The following FARS2 variants were observed in gnomAD, a reference collection of about 807,000 sequenced individuals.
FARS2 encodes the protein phenylalanine--tRNA ligase, mitochondrial.
In FARS2, 40 loss-of-function variants were observed where a neutral mutation model predicts 46.4. That is an observed-to-expected ratio of 0.86 (90% confidence interval 0.67 to 1.12). The LOEUF (loss-of-function observed/expected upper bound fraction) is 1.12. Among genes scored for constraint, FARS2 ranks in the 50% most tolerant of loss-of-function variants. FARS2 has a pLI of 0.00. For synonymous variants in FARS2, 234 were observed against 214.9 expected (o/e 1.09, Z -0.78); for missense variants, 513 against 567.9 (o/e 0.90, Z 0.98).
chr6:5,492,053 C>G (rs1039517352), intron 4 of FARS2, among the ~76,000 whole-genome samples: 2 of 152,142 alleles, frequency 1.3e-5, no homozygotes, highest in South Asian at 4.1e-4. Context: ...CTACCGTTAT[C>G]TAGGTCAATA....
chr6:5,406,037 A>G (rs1761573232), intron 3 of FARS2, among the ~76,000 whole-genome samples: 1 of 152,098 alleles, frequency 6.6e-6, no homozygotes, highest in African/African-American at 2.4e-5. Flanking sequence ...GCTATTTTTA[A>G]CTTAATTGAG....
Position 5,545,329 on chromosome 6 carries a change from G to A in FARS2, c.1054G>A (p.Val352Met). Residue 352 changes from valine (V) to methionine (M), a missense_variant, in exon 5 of 7, where the codon GTG becomes ATG. Transcript: ENST00000274680. ...CTGTGTATCCAACATTAATCAGAAG[G>A]TGAAGTTTCAGGTAAGATGACTTGC... The part of the protein sequence containing the change: ...QFCVSNINQK[V>M]KFQPLSKYPA... 1.2e-6 allele frequency: 2 copies of A among 1,613,390 alleles called. No individual in the cohort carries two copies. Among genetic ancestry groups the A allele is most frequent in the South Asian group, 2.2e-5 (2 of 90,920 alleles).
intron 4 of FARS2, among the ~76,000 whole-genome samples, chr6:5,453,669 T>A (rs986158774): frequency 2.0e-5 from 3 of 152,280 alleles, no homozygotes; most frequent in African/African-American, 7.2e-5. Context: ...CCCTGTTTTT[T>A]ATCTTTTACA....
intron 4 of FARS2, among the ~76,000 whole-genome samples, chr6:5,498,711 C>T (rs1767617185): frequency 6.6e-6 from 1 of 152,162 alleles, no homozygotes; most frequent in Non-Finnish European, 1.5e-5. Context: ...TCACTTACCA[C>T]CAGCATTTAG....
chr6:5,253,635 G>A, the FARS2 span, among the ~76,000 whole-genome samples: 2 of 152,100 alleles, frequency 1.3e-5, no homozygotes, highest in Non-Finnish European at 2.9e-5. Context: ...CAAAGGAGAC[G>A]AGAGCCTTGA....
chr6:5,755,392 A>T (rs572974902), intron 6 of FARS2, among the ~76,000 whole-genome samples: 1 of 149,236 alleles, frequency 6.7e-6, no homozygotes, highest in Non-Finnish European at 1.5e-5. Context: ...CCCTGGGTCC[A>T]TGTGTTCTCA....
chr6:5,267,106 T>G lies in FARS2; in HGVS notation c.-22+5446T>G, dbSNP rs115070089. The stretch of plus-strand genomic sequence containing the variant: ...GGGCAGTAACAACAAAATTGACAAT[T>G]TATTTTGTGTAAAGTATTTCAAATG... On this transcript the variant is annotated intron_variant, in intron 1 of 6. Coordinates refer to ENST00000274680, the MANE Select transcript of FARS2 (RefSeq NM_006567.5). 5.3e-5 allele frequency among the ~76,000 whole-genome samples: 8 copies of G among 152,084 alleles called. No homozygotes were observed. In the South Asian group the frequency reaches 6.2e-4, roughly 12 times the overall value.
intron 4 of FARS2, among the ~76,000 whole-genome samples, chr6:5,500,160 A>G (rs1326260657): frequency 6.6e-6 from 1 of 152,062 alleles, no homozygotes. Flanking sequence ...CCTGTTCTCT[A>G]TTATTTCATT....
chr6:5,756,239 G>A (rs80307285), intron 6 of FARS2, among the ~76,000 whole-genome samples: 2,199 of 152,256 alleles, frequency 0.014, 43 homozygotes, highest in African/African-American at 0.049. Flanking sequence ...TACTTTTTGC[G>A]TCTGGAGATT....
At chr6:5,733,462 A>G (rs1443548014) in intron 6 of FARS2, among the ~76,000 whole-genome samples, 1 of 152,174 alleles carries the variant, frequency 6.6e-6, no homozygotes, top group East Asian at 1.9e-4. Context: ...TTTTTGCTCT[A>G]AAAAGATGTG....
intron 1 of FARS2, among the ~76,000 whole-genome samples, chr6:5,355,319 C>T (rs1757841795): frequency 1.3e-5 from 2 of 150,714 alleles, no homozygotes; most frequent in Admixed American, 1.3e-4. Context: ...ATTTTGCTTC[C>T]CTTTTACTGT....
chr6:5,734,342 C>A (rs1415863141), intron 6 of FARS2, among the ~76,000 whole-genome samples: 1 of 152,232 alleles, frequency 6.6e-6, no homozygotes, highest in Admixed American at 6.5e-5. Context: ...TAGGAAAGAG[C>A]TGGTCTTCTT....
At chr6:5,706,348 C>G (rs1471561095) in intron 6 of FARS2, among the ~76,000 whole-genome samples, 2 of 152,212 alleles carry the variant, frequency 1.3e-5, no homozygotes, top group African/African-American at 4.8e-5. Flanking sequence ...GACGACAGCT[C>G]TCTGAGGGCA....
chr6:5,509,808 C>T (rs1768321523), intron 4 of FARS2, among the ~76,000 whole-genome samples: 2 of 152,172 alleles, frequency 1.3e-5, no homozygotes, highest in South Asian at 4.1e-4. Context: ...CTGGGAAGAG[C>T]ATTATCCACA....
intron 5 of FARS2, among the ~76,000 whole-genome samples, chr6:5,561,142 C>T (rs1771956949): frequency 6.6e-6 from 1 of 151,928 alleles, no homozygotes; most frequent in Admixed American, 6.6e-5. Flanking sequence ...AAAACAAAAA[C>T]AAACAAACAA....
chr6:5,746,100 C>G (rs977419234), intron 6 of FARS2, among the ~76,000 whole-genome samples: 28 of 152,106 alleles, frequency 1.8e-4, no homozygotes, highest in African/African-American at 5.1e-4. Flanking sequence ...CCTGATGATT[C>G]TTTTCATTAT....
chr6:5,514,472 A>G (rs559472857), intron 4 of FARS2, among the ~76,000 whole-genome samples: 4 of 152,306 alleles, frequency 2.6e-5, no homozygotes, highest in Admixed American at 2.0e-4. Flanking sequence ...TCTGTTCTAA[A>G]TGTCTAAAAG....
intron 4 of FARS2, among the ~76,000 whole-genome samples, chr6:5,438,337 A>T (rs1308569959): frequency 5.0e-5 from 6 of 121,204 alleles, no homozygotes; most frequent in Admixed American, 4.2e-4. Context: ...AGATCTTTTG[A>T]TTTTGTCCCA....
At chr6:5,636,449 C>T (rs535651700) in intron 6 of FARS2, among the ~76,000 whole-genome samples, 3 of 152,334 alleles carry the variant, frequency 2.0e-5, no homozygotes, top group African/African-American at 7.2e-5. Flanking sequence ...TTTTACCCTG[C>T]AGTCTCTGCT....
Sources: gnomAD v4.1 joint callset for allele counts (sites outside exome capture counted in the v4.1 genomes callset) on GRCh38, gnomAD v4.1.1 for gene constraint, MANE v1.5 for transcripts, NCBI Gene and HGNC (gene_info 2026-07-23, HGNC 2026-07-21) for gene names.